Variants in BRF1 observed in about 807,000 individuals in gnomAD.
BRF1 encodes the protein transcription factor IIIB 90 kDa subunit.
A neutral mutation model predicts 81.7 loss-of-function variants in BRF1; 59 were observed. That is an observed-to-expected ratio of 0.72 (90% CI 0.59 to 0.90). The LOEUF (loss-of-function observed/expected upper bound fraction) is 0.90, where lower values mean the gene tolerates loss of function less well. Among genes scored for constraint, BRF1 ranks in the 40% least tolerant of loss-of-function variants. The pLI is 0.00. For synonymous variants in BRF1, 491 were observed against 395.6 expected, an observed-to-expected ratio of 1.24 and a Z score of -2.86; for missense variants, 1,050 against 936.3, an observed-to-expected ratio of 1.12 and a Z score of -1.58.
intron 3 of BRF1, among the ~76,000 whole-genome samples, chr14:105,258,445 C>T (rs1255472162): frequency 3.3e-5 from 5 of 149,866 alleles, no homozygotes; most frequent in Admixed American, 1.3e-4. Context: ...GCCGAGATGG[C>T]GCCACCGCAC....
chr14:105,211,554 T>C (rs921382663), intron 16 of BRF1: 2 of 514,396 alleles, frequency 3.9e-6, no homozygotes, highest in Admixed American at 7.6e-5. Context: ...CCCACCCCAG[T>C]GCTCGGGGAG....
intron 5 of BRF1, chr14:105,249,645 T>C: frequency 6.2e-7 from 1 of 1,610,724 alleles, no homozygotes; most frequent in African/African-American, 1.3e-5. Flanking sequence ...CCTAGGTACA[T>C]GTACAGTGAT....
chr14:105,258,675 T>A (rs2056008518), intron 3 of BRF1, among the ~76,000 whole-genome samples: 1 of 151,952 alleles, frequency 6.6e-6, no homozygotes, highest in Non-Finnish European at 1.5e-5. Flanking sequence ...GGCGGGCACC[T>A]GTAATCCCAG....
intron 1 of BRF1, among the ~76,000 whole-genome samples, chr14:105,314,236 C>G (rs1357167614): frequency 6.6e-6 from 1 of 151,434 alleles, no homozygotes; most frequent in Admixed American, 6.6e-5. Context: ...CGGGCCAACC[C>G]AGCGGGGGTC....
chr14:105,293,689 G>A (rs997592642), intron 1 of BRF1, among the ~76,000 whole-genome samples: 2 of 152,190 alleles, frequency 1.3e-5, no homozygotes, highest in Non-Finnish European at 2.9e-5. Context: ...GCCACGCTGA[G>A]CCTCAGTCCT....
intron 11 of BRF1, 141 bp from the exon 12 acceptor site, chr14:105,220,271 G>A (rs944401281): frequency 4.8e-5 from 41 of 848,276 alleles, no homozygotes; most frequent in Non-Finnish European, 6.2e-5. Context: ...CTGGTGGGTC[G>A]CGCCCTGTCT....
At chr14:105,246,808 G>A (rs754839553) in intron 5 of BRF1, 174 of 984,932 alleles carry the variant, frequency 1.8e-4, no homozygotes, top group Non-Finnish European at 2.0e-4. Context: ...TTCTTTCTAA[G>A]GATGAAAATT....
chr14:105,250,821 C>T, intron 5 of BRF1: 1 of 846,152 alleles, frequency 1.2e-6, no homozygotes, highest in Non-Finnish European at 1.8e-6. Context: ...AGACATTTTC[C>T]ACACAGCCAG....
At chr14:105,263,234 CAA>C (rs760613469) in intron 3 of BRF1, among the ~76,000 whole-genome samples, 28 of 83,512 alleles carry the variant, frequency 3.4e-4, no homozygotes, top group Admixed American at 6.0e-4. Flanking sequence ...AAGACTCCAT[CAA>C]AAAAAAAAAA....
At chr14:105,265,900 C>CA (rs34375627) in intron 3 of BRF1, among the ~76,000 whole-genome samples, 20,660 of 75,494 alleles carry the variant, frequency 0.27, 2,605 homozygotes, top group Non-Finnish European at 0.32. Flanking sequence ...GACTCCCTCT[C>CA]AAAAAAAAAA....
chr14:105,218,799 G>A (rs587645710), intron 14 of BRF1, among the ~76,000 whole-genome samples, 199 bp downstream of exon 14: 2 of 152,336 alleles, frequency 1.3e-5, no homozygotes, highest in South Asian at 2.1e-4. Context: ...TGAGGCCGAC[G>A]GCTGGGCGCC....
Position 105,273,027 on chromosome 14 carries a change from A to G in BRF1, c.266-133T>C, listed in dbSNP as rs2140410037. On this transcript the variant is annotated intron_variant, in intron 2 of 17. Transcript: ENST00000547530. ...GTAAGTTTCTGAGCTCACTTTTTAT[A>G]TGTGGGTTCCAATCACTTTTTATTT... 9.8e-6 allele frequency: 10 copies of G among 1,022,452 alleles called. No individual in the cohort carries two copies. In the South Asian group the frequency reaches 2.0e-4, roughly 20 times the overall value. 63.3% of individuals were successfully genotyped at this position (1,022,452 alleles called of 1,614,324 possible).
At position 105,255,134 on chromosome 14, in the gene BRF1, T is replaced by G. The variant is rs371232541; in HGVS notation, c.471+1384A>C. ...AGAGGGAGACTCCATGAGCTCGCCA[T>G]GGGACCATCTGAGTCCCCAGGAGCC... is the stretch of plus-strand genomic sequence containing the variant. On this transcript the variant is annotated intron_variant, in intron 4 of 17. Transcript: ENST00000547530. Among the ~76,000 whole-genome samples, 3 of 152,338 alleles carry G rather than the reference T, an allele frequency of 2.0e-5. No individual in the cohort carries two copies. In the East Asian group the frequency reaches 5.8e-4, roughly 29 times the overall value.
At chr14:105,282,431 C>A (rs1383960177) in intron 2 of BRF1, among the ~76,000 whole-genome samples, 3 of 152,174 alleles carry the variant, frequency 2.0e-5, no homozygotes, top group East Asian at 3.8e-4. Flanking sequence ...CAGTAACAGT[C>A]GGAAGCTACA....
chr14:105,289,679 A>T (rs1198106819), intron 1 of BRF1, among the ~76,000 whole-genome samples: 1 of 151,946 alleles, frequency 6.6e-6, no homozygotes, highest in Non-Finnish European at 1.5e-5. Flanking sequence ...TCTATCGCCC[A>T]GGCTGGAGTG....
chr14:105,314,273 A>T (rs1245150866), intron 1 of BRF1: 3 of 109,840 alleles, frequency 2.7e-5, no homozygotes, highest in South Asian at 6.7e-4. Flanking sequence ...CGGCGAGGGC[A>T]GGGGGGCGGG....
chr14:105,280,665 C>T (rs1302996477), intron 2 of BRF1, among the ~76,000 whole-genome samples: 1 of 151,568 alleles, frequency 6.6e-6, no homozygotes, highest in Non-Finnish European at 1.5e-5. Context: ...GTGGAGGCTG[C>T]ATGATCCTGA....
chr14:105,277,888 G>A (rs1595449092), intron 2 of BRF1, among the ~76,000 whole-genome samples: 2 of 152,222 alleles, frequency 1.3e-5, no homozygotes, highest in South Asian at 4.1e-4. Context: ...TTGAGTAGCT[G>A]GGACTACAGG....
intron 1 of BRF1, chr14:105,314,657 GGCGCGGGTCGGAGGGCGCCGGGCGC>G (rs1382378402): frequency 1.4e-5 from 2 of 144,122 alleles, no homozygotes; most frequent in Admixed American, 6.8e-5. Flanking sequence ...CGGCGGCGCC[GGCGCGGGTCGGAGGGCGCCGGGCGC>G]GCGCGGGGCG....
Sources: allele counts gnomAD v4.1 joint callset (sites outside exome capture counted in the v4.1 genomes callset), GRCh38; gene constraint gnomAD v4.1.1; transcripts MANE v1.5; gene names NCBI Gene and HGNC (gene_info 2026-07-23, HGNC 2026-07-21).